ZFHX3: variants seen among roughly 807,000 people sequenced by gnomAD.
ZFHX3 encodes zinc finger homeobox 3.
Under a neutral mutation model 279.1 loss-of-function variants are expected in ZFHX3, and 42 were observed. The ratio of observed to expected loss-of-function variants is 0.15; its 90% confidence interval spans 0.12 to 0.19. The LOEUF is 0.19. Ranked by LOEUF, ZFHX3 falls within the 10% of genes least tolerant of loss-of-function variation. The probability of loss-of-function intolerance (pLI) is 1.00; values close to 1 mark genes in which losing one functional copy is unlikely to be tolerated. For missense variants in ZFHX3, 4,981 were observed against 4,754.0 expected, an observed-to-expected ratio of 1.05 and a Z score of -1.40; for synonymous variants, 2,293 against 1,957.8, an observed-to-expected ratio of 1.17 and a Z score of -4.52.
chr16:73,737,967 G>C (rs377492890), intron 1 of ZFHX3, among the ~76,000 whole-genome samples: 1 of 152,270 alleles, frequency 6.6e-6, no homozygotes, highest in South Asian at 2.1e-4. Context: ...TAAAAGGTTT[G>C]GTGGGGGAGG....
intron 3 of ZFHX3, among the ~76,000 whole-genome samples, chr16:72,896,163 C>T (rs2038894725): frequency 6.6e-6 from 1 of 152,180 alleles, no homozygotes; most frequent in African/African-American, 2.4e-5. Context: ...AAATTTGGCA[C>T]ACGTTCGGGG....
intron 3 of ZFHX3, among the ~76,000 whole-genome samples, chr16:73,448,867 G>A (rs2018237360): frequency 6.6e-6 from 1 of 151,944 alleles, no homozygotes; most frequent in Non-Finnish European, 1.5e-5. Context: ...AAAAAATTCT[G>A]TATTTATTCA....
At position 72,967,301 on chromosome 16, in the gene ZFHX3, C is replaced by T. The variant is rs1195436524; in HGVS notation, c.-49-7107G>A. On this transcript the variant is annotated intron_variant, in intron 1 of 9. Coordinates refer to ENST00000268489, the MANE Select transcript of ZFHX3 (RefSeq NM_006885.4). Reference sequence around the variant, plus strand: ...GATGAGCTCGGAGCATCTACTTGTGCTCAAAGAATAAGGAAGATGTGTCAA... The same window carrying T: ...GATGAGCTCGGAGCATCTACTTGTGTTCAAAGAATAAGGAAGATGTGTCAA... 3.3e-5 allele frequency among the ~76,000 whole-genome samples: 5 copies of T among 152,036 alleles called. No homozygotes were observed. The East Asian group carries it at 9.7e-4, about 29-fold the overall frequency.
intron 2 of ZFHX3, among the ~76,000 whole-genome samples, chr16:73,523,694 A>C (rs190160702): frequency 6.6e-6 from 1 of 151,564 alleles, no homozygotes; most frequent in African/African-American, 2.4e-5. Context: ...GAGATGGATA[A>C]AGTCTTTTCT....
At chr16:73,778,346 A>G (rs1423744235) in intron 1 of ZFHX3, among the ~76,000 whole-genome samples, 1 of 150,982 alleles carries the variant, frequency 6.6e-6, no homozygotes, top group East Asian at 2.0e-4. Flanking sequence ...TCATTTGATC[A>G]CCAAGTGACA....
chr16:73,717,856 A>G (rs985215654), intron 1 of ZFHX3, among the ~76,000 whole-genome samples: 19 of 152,172 alleles, frequency 1.2e-4, no homozygotes, highest in African/African-American at 3.4e-4. Flanking sequence ...CCAGAACTGC[A>G]CAATTACCCA....
At chr16:73,400,511 C>G (rs2017229023) in intron 3 of ZFHX3, 1 of 152,202 alleles carries the variant, frequency 6.6e-6, no homozygotes, top group Non-Finnish European at 1.5e-5. Context: ...ACTTCCTTCC[C>G]TCAGAAGCAT....
intron 4 of ZFHX3, among the ~76,000 whole-genome samples, chr16:73,266,993 AGATATATT>A (rs2013995883): frequency 6.6e-6 from 1 of 152,218 alleles, no homozygotes; most frequent in Non-Finnish European, 1.5e-5. Flanking sequence ...ATGTGAACCT[AGATATATT>A]GACTCCAATC....
At chr16:72,808,784 C>A (rs1421123315) in intron 7 of ZFHX3, among the ~76,000 whole-genome samples, 1 of 152,214 alleles carries the variant, frequency 6.6e-6, no homozygotes, top group African/African-American at 2.4e-5. Flanking sequence ...ATTGACCAGT[C>A]CCATGGACAT....
chr16:73,739,363 C>T (rs1020711518), intron 1 of ZFHX3, among the ~76,000 whole-genome samples: 2 of 152,160 alleles, frequency 1.3e-5, no homozygotes, highest in African/African-American at 4.8e-5. Flanking sequence ...TATTCTTTGT[C>T]GTGGGGACTG....
intron 2 of ZFHX3, among the ~76,000 whole-genome samples, chr16:73,587,044 G>C (rs1445203468): frequency 4.6e-5 from 7 of 152,116 alleles, no homozygotes; most frequent in Non-Finnish European, 1.5e-5. Context: ...AAACAGGCTG[G>C]AGCATCAATT....
chr16:73,642,772 A>G (rs577363950), intron 2 of ZFHX3, among the ~76,000 whole-genome samples: 3 of 152,314 alleles, frequency 2.0e-5, no homozygotes, highest in South Asian at 2.1e-4. Flanking sequence ...AACGGGCATG[A>G]AATAACAGGC....
intron 5 of ZFHX3, among the ~76,000 whole-genome samples, chr16:73,225,233 C>T (rs529191002): frequency 2.0e-5 from 3 of 152,154 alleles, no homozygotes; most frequent in South Asian, 2.1e-4. Context: ...GGGACAAATA[C>T]GGAAAATATG....
At chr16:73,446,270 G>A (rs536172584) in intron 3 of ZFHX3, among the ~76,000 whole-genome samples, 4 of 152,236 alleles carry the variant, frequency 2.6e-5, no homozygotes, top group Admixed American at 6.5e-5. Flanking sequence ...ACCCAAGACT[G>A]GGTAATCTAT....
At chr16:73,355,409 A>G (rs563680181) in intron 3 of ZFHX3, among the ~76,000 whole-genome samples, 28 of 152,242 alleles carry the variant, frequency 1.8e-4, no homozygotes, top group African/African-American at 6.7e-4. Flanking sequence ...TGATTTGCAC[A>G]CACCAAGGAG....
intron 9 of ZFHX3, chr16:72,789,333 TC>T (rs1488313707): frequency 6.5e-6 from 1 of 154,056 alleles, no homozygotes; most frequent in Non-Finnish European, 1.4e-5. Flanking sequence ...GTTCACATTT[TC>T]TTTGCCAAGT....
At chr16:73,479,445 T>C (rs2018827002) in intron 2 of ZFHX3, among the ~76,000 whole-genome samples, 1 of 152,160 alleles carries the variant, frequency 6.6e-6, no homozygotes, top group Non-Finnish European at 1.5e-5. Context: ...GATACCTTTC[T>C]CAGCCTTGAC....
chr16:73,143,288 A>G (rs944159527), intron 6 of ZFHX3, among the ~76,000 whole-genome samples: 1 of 152,056 alleles, frequency 6.6e-6, no homozygotes, highest in Non-Finnish European at 1.5e-5. Context: ...AGAGAAGAGA[A>G]CTCACCAGGC....
intron 1 of ZFHX3, among the ~76,000 whole-genome samples, chr16:73,815,322 C>T (rs1369132668): frequency 2.6e-5 from 4 of 152,116 alleles, no homozygotes; most frequent in Admixed American, 1.3e-4. Context: ...CACCAAGGTT[C>T]GTGACTCCTG....
Sources: allele counts gnomAD v4.1 joint callset (sites outside exome capture counted in the v4.1 genomes callset), GRCh38; gene constraint gnomAD v4.1.1; transcripts MANE v1.5; gene names NCBI Gene and HGNC (gene_info 2026-07-23, HGNC 2026-07-21).